TENM2: variants seen among roughly 807,000 people sequenced by gnomAD.
TENM2 encodes teneurin transmembrane protein 2.
Under a neutral mutation model 245.2 loss-of-function variants are expected in TENM2, and 52 were observed. The observed-to-expected ratio is 0.21, with a 90% confidence interval of 0.17 to 0.27. The LOEUF is 0.27. Among genes scored for constraint, TENM2 ranks in the 10% least tolerant of loss-of-function variants. The probability of loss-of-function intolerance (pLI) is 1.00; values close to 1 mark genes in which losing one functional copy is unlikely to be tolerated. For missense variants in TENM2, 3,046 were observed against 3,666.8 expected (o/e 0.83, Z 4.37); for synonymous variants, 1,363 against 1,438.9 (o/e 0.95, Z 1.19).
At chr5:167,253,197 C>A in the TENM2 span, among the ~76,000 whole-genome samples, 1 of 151,736 alleles carries the variant, frequency 6.6e-6, no homozygotes, top group Admixed American at 6.6e-5. Flanking sequence ...GTCAAGCAAT[C>A]CTCCCACCTC....
chr5:167,352,335 A>G (rs1758970614), intron 1 of TENM2, among the ~76,000 whole-genome samples: 1 of 152,206 alleles, frequency 6.6e-6, no homozygotes, highest in Non-Finnish European at 1.5e-5. Flanking sequence ...AAGTCATTTG[A>G]ATTTGCAAAA....
At chr5:167,302,425 A>G (rs553261798) in intron 1 of TENM2, among the ~76,000 whole-genome samples, 1 of 146,038 alleles carries the variant, frequency 6.8e-6, no homozygotes, top group Admixed American at 6.9e-5. Flanking sequence ...AGAGACACAG[A>G]GGAAAGGGGT....
chr5:167,320,944 AAC>A (rs1438067713), intron 1 of TENM2, among the ~76,000 whole-genome samples: 1 of 98,306 alleles, frequency 1.0e-5, no homozygotes, highest in East Asian at 2.6e-4. Flanking sequence ...AAGACAAACA[AAC>A]AAAAAAAAAC....
the TENM2 span, among the ~76,000 whole-genome samples, chr5:167,054,552 G>A: frequency 6.6e-6 from 1 of 152,152 alleles, no homozygotes; most frequent in Non-Finnish European, 1.5e-5. Flanking sequence ...GTACCAAGGA[G>A]TGTGAGTGTT....
At chr5:167,867,384 A>G (rs1389043111) in intron 2 of TENM2, among the ~76,000 whole-genome samples, 1 of 152,228 alleles carries the variant, frequency 6.6e-6, no homozygotes, top group Non-Finnish European at 1.5e-5. Context: ...AACGACACCC[A>G]AATGCATAGG....
chr5:167,870,096 C>A, intron 2 of TENM2, among the ~76,000 whole-genome samples: 1 of 152,150 alleles, frequency 6.6e-6, no homozygotes, highest in East Asian at 1.9e-4. Context: ...CAATACTTAA[C>A]TTTAACACAA....
chr5:167,006,637 G>A, the TENM2 span, among the ~76,000 whole-genome samples: 1 of 151,846 alleles, frequency 6.6e-6, no homozygotes, highest in Admixed American at 6.6e-5. Flanking sequence ...TATATATTCA[G>A]AACTACATAT....
intron 1 of TENM2, among the ~76,000 whole-genome samples, chr5:167,293,016 G>A (rs1017403802): frequency 6.6e-6 from 1 of 152,214 alleles, no homozygotes. Context: ...ATGAGCTAGA[G>A]TGGCAGAGAG....
At chr5:167,833,983 A>G (rs1420757672) in intron 2 of TENM2, among the ~76,000 whole-genome samples, 1 of 152,198 alleles carries the variant, frequency 6.6e-6, no homozygotes, top group Non-Finnish European at 1.5e-5. Flanking sequence ...TCATTCATTC[A>G]ACAAATGGTT....
At chr5:167,627,971 A>G (rs1561615662) in intron 2 of TENM2, among the ~76,000 whole-genome samples, 1 of 152,234 alleles carries the variant, frequency 6.6e-6, no homozygotes, top group Non-Finnish European at 1.5e-5. Context: ...AGTAAGGATA[A>G]TCACAAGTAT....
the TENM2 span, among the ~76,000 whole-genome samples, chr5:167,019,735 G>A: frequency 6.6e-6 from 1 of 152,046 alleles, no homozygotes; most frequent in South Asian, 2.1e-4. Context: ...CTCCCAAAAT[G>A]CTGGAATTAC....
the TENM2 span, among the ~76,000 whole-genome samples, chr5:166,998,161 G>A: frequency 2.6e-5 from 4 of 152,118 alleles, no homozygotes; most frequent in Middle Eastern, 3.2e-3. Context: ...AAAAGCCTGA[G>A]GTGGGAATAC....
At chr5:166,997,321 A>C in the TENM2 span, among the ~76,000 whole-genome samples, 5 of 152,176 alleles carry the variant, frequency 3.3e-5, no homozygotes, top group Admixed American at 3.3e-4. Context: ...TAATCCTCAA[A>C]AGAGTTCTAT....
At chr5:167,924,511 T>C (rs1777602953) in intron 3 of TENM2, among the ~76,000 whole-genome samples, 1 of 152,222 alleles carries the variant, frequency 6.6e-6, no homozygotes, top group Non-Finnish European at 1.5e-5. Context: ...CTGGAGTTCA[T>C]GACATAGGTT....
chr5:167,349,896 A>G (rs544772322), intron 1 of TENM2, among the ~76,000 whole-genome samples: 1 of 145,778 alleles, frequency 6.9e-6, no homozygotes, highest in Non-Finnish European at 1.5e-5. Flanking sequence ...TTGAAAAATT[A>G]TAATTTTACA....
chr5:167,238,694 C>CAAAAAAAAAAAA, the TENM2 span, among the ~76,000 whole-genome samples: 14 of 58,076 alleles, frequency 2.4e-4, no homozygotes, highest in East Asian at 6.1e-4. Context: ...ACAGGAGATG[C>CAAAAAAAAAAAA]AAAAAAAAAA....
At chr5:167,530,794 A>G (rs1317184480) in intron 2 of TENM2, among the ~76,000 whole-genome samples, 1 of 152,112 alleles carries the variant, frequency 6.6e-6, no homozygotes, top group African/African-American at 2.4e-5. Context: ...GCGGACTTAG[A>G]TGTCTGTTTA....
chr5:167,893,721 A>C (rs1774948307), intron 3 of TENM2, among the ~76,000 whole-genome samples: 1 of 152,024 alleles, frequency 6.6e-6, no homozygotes, highest in Admixed American at 6.6e-5. Flanking sequence ...GATAATTTCC[A>C]AACGCTTTTA....
intron 9 of TENM2, among the ~76,000 whole-genome samples, chr5:168,111,741 C>T (rs1006856319): frequency 2.6e-5 from 4 of 152,170 alleles, no homozygotes; most frequent in South Asian, 2.1e-4. Flanking sequence ...AGCCCATCCC[C>T]TCAGCCATGG....
Sources: gnomAD v4.1 joint callset for allele counts (sites outside exome capture counted in the v4.1 genomes callset) on GRCh38, gnomAD v4.1.1 for gene constraint, MANE v1.5 for transcripts, NCBI Gene and HGNC (gene_info 2026-07-23, HGNC 2026-07-21) for gene names.